The following MTR variants were observed in gnomAD, a reference collection of about 807,000 sequenced individuals.
MTR encodes 5-methyltetrahydrofolate-homocysteine methyltransferase, also known as methionine synthase.
Under a neutral mutation model 154.8 loss-of-function variants are expected in MTR, and 84 were observed. The observed-to-expected ratio is 0.54, with a 90% CI of 0.45 to 0.65. The LOEUF (loss-of-function observed/expected upper bound fraction) is 0.65, where lower values mean the gene tolerates loss of function less well. Among genes scored for constraint, MTR ranks in the 30% least tolerant of loss-of-function variants. The pLI is 0.00. For synonymous variants in MTR, 554 were observed against 553.9 expected, an observed-to-expected ratio of 1.00 and a Z score of 0.00; for missense variants, 1,275 against 1,570.2, an observed-to-expected ratio of 0.81 and a Z score of 3.18.
At chr1:236,837,406 T>C (rs1662969899) in intron 14 of MTR, among the ~76,000 whole-genome samples, 2 of 152,206 alleles carry the variant, frequency 1.3e-5, no homozygotes, top group African/African-American at 4.8e-5. Context: ...CTTCATAGAC[T>C]GGGTGCCCCT....
At chr1:236,875,842 GAA>G (rs1385516404) in intron 24 of MTR, among the ~76,000 whole-genome samples, 3 of 152,130 alleles carry the variant, frequency 2.0e-5, no homozygotes, top group Non-Finnish European at 4.4e-5. Flanking sequence ...TATATAGAGA[GAA>G]AGAGATTTAT....
At chr1:236,876,648 G>A (rs1665450079) in intron 24 of MTR, among the ~76,000 whole-genome samples, 2 of 152,032 alleles carry the variant, frequency 1.3e-5, no homozygotes, top group Admixed American at 6.5e-5. Flanking sequence ...TGCTTCTTGT[G>A]CAAATTGGAA....
intron 19 of MTR, 127 bp from the exon 20 acceptor site, chr1:236,860,998 C>T (rs1664501981): frequency 2.6e-6 from 2 of 758,668 alleles, no homozygotes; most frequent in East Asian, 2.7e-5. Flanking sequence ...TGAGTCCATG[C>T]ACTCTGCTTC....
intron 8 of MTR, chr1:236,819,761 A>G (rs1007361992): frequency 4.4e-5 from 33 of 752,874 alleles, no homozygotes; most frequent in Non-Finnish European, 7.8e-5. Context: ...ATAAAAGGAA[A>G]AATGATGGGA....
At chr1:236,815,753 T>G in intron 7 of MTR, 90 bp downstream of exon 7, 1 of 1,266,830 alleles carries the variant, frequency 7.9e-7, no homozygotes, top group Admixed American at 1.7e-5. Context: ...AGTAGAACTA[T>G]TAATGGTATC....
chr1:236,874,707 T>A lies in MTR; in HGVS notation c.2474-19T>A, dbSNP rs11809449. 0.027 allele frequency: 31,458 copies of A among 1,171,368 alleles called. 33 individuals are homozygous for A. The highest frequency in any genetic ancestry group is 0.028 in the Non-Finnish European group (24,032 of 870,160). The allele number at this position is 1,171,368 out of a possible 1,614,324, so 72.6% of individuals were successfully genotyped here. A position where few individuals can be genotyped will look rare whatever the true frequency, so the allele number is the denominator to read the frequency against. ...CACTGTCCTTTTTGTCCTTTTTTTT[T>A]TAAAAAAAAAAAAAATAGATATAAT... On this transcript the variant is annotated intron_variant, in intron 23 of 32. Transcript: ENST00000366577.
At chr1:236,834,735 C>A (rs1027541051) in intron 13 of MTR, among the ~76,000 whole-genome samples, 1 of 152,080 alleles carries the variant, frequency 6.6e-6, no homozygotes, top group African/African-American at 2.4e-5. Context: ...AAAGTCTCTG[C>A]CTTGTTACTT....
At chr1:236,834,080 C>T (rs936150348) in intron 13 of MTR, among the ~76,000 whole-genome samples, 2 of 152,176 alleles carry the variant, frequency 1.3e-5, no homozygotes, top group African/African-American at 4.8e-5. Flanking sequence ...GATATAAACC[C>T]TTCAAGAACC....
chr1:236,826,278 T>C (rs12022198), intron 10 of MTR, among the ~76,000 whole-genome samples: 5,324 of 152,280 alleles, frequency 0.035, 288 homozygotes, highest in East Asian at 0.2. Flanking sequence ...GATAGGCAAA[T>C]CTCCCACTGA....
intron 22 of MTR, among the ~76,000 whole-genome samples, chr1:236,872,246 G>A (rs1665174417): frequency 6.6e-6 from 1 of 152,132 alleles, no homozygotes; most frequent in Admixed American, 6.5e-5. Flanking sequence ...AAATTTGTCT[G>A]GCACTGTTCC....
chr1:236,887,719 G>C (rs3768148), intron 27 of MTR, among the ~76,000 whole-genome samples: 98,983 of 152,170 alleles, frequency 0.65, 32,476 homozygotes, highest in South Asian at 0.7. Context: ...GCCACTGAGG[G>C]CTGGCCCTCT....
In MTR at chr1:236,873,819, G is replaced by A. The variant is rs1665275307; in HGVS notation, c.2452G>A (p.Ala818Thr). Residue 818 changes from alanine (A) to threonine (T), a missense_variant, in exon 23 of 33, where the codon GCT becomes ACT. Transcript: ENST00000366577. ...GACTCCATGTGATAAGATACTGAAA[G>A]CTGCTCTTGACCACAAAGCAGGTAC... ...VMTPCDKILK[A>T]ALDHKADIIG... 1 of 1,614,122 alleles carries A rather than the reference G, an allele frequency of 6.2e-7. No homozygotes were observed. Among genetic ancestry groups the A allele is most frequent in the Non-Finnish European group, 8.5e-7 (1 of 1,179,990 alleles).
chr1:236,802,403 G>C (rs904402129), intron 1 of MTR, among the ~76,000 whole-genome samples: 1 of 152,134 alleles, frequency 6.6e-6, no homozygotes, highest in African/African-American at 2.4e-5. Context: ...TTTCAGGAGA[G>C]TGGTGGAGGA....
intron 18 of MTR, among the ~76,000 whole-genome samples, chr1:236,853,560 C>A (rs1458517835): frequency 1.3e-5 from 2 of 152,092 alleles, no homozygotes; most frequent in South Asian, 4.1e-4. Flanking sequence ...GAACTATACT[C>A]TAGATGCTTT....
chr1:236,884,684 G>GGGGGTT (rs1451091165), intron 25 of MTR, among the ~76,000 whole-genome samples: 1 of 152,068 alleles, frequency 6.6e-6, no homozygotes, highest in Admixed American at 6.5e-5. Flanking sequence ...GGTTTTTATT[G>GGGGGTT]GGGGTTGGTC....
intron 5 of MTR, chr1:236,811,609 CA>C (rs1354538309): frequency 2.2e-6 from 1 of 455,994 alleles, no homozygotes; most frequent in African/African-American, 2.0e-5. Flanking sequence ...TTGTTCATAC[CA>C]GGCTTATGTG....
Position 236,832,007 on chromosome 1 carries a change from A to T in MTR, c.1117A>T (p.Asn373Tyr). Residue 373 changes from asparagine to tyrosine, a missense_variant, in exon 13 of 33, where the codon AAC (asparagine) becomes TAC (tyrosine). Coordinates refer to ENST00000366577, the MANE Select transcript of MTR (RefSeq NM_000254.3). ...FRIGPYTNFVNIGERCNVAGS... is the reference protein window; with the variant it reads ...FRIGPYTNFVYIGERCNVAGS... The stretch of plus-strand genomic sequence containing the variant: ...GATTGGACCGTACACCAACTTTGTT[A>T]ACATTGGAGAGCGCTGTAATGTTGC... 6.2e-7 allele frequency: 1 copy of T among 1,614,210 alleles called. No individual in the cohort carries two copies. Among genetic ancestry groups the T allele is most frequent in the Non-Finnish European group, 8.5e-7 (1 of 1,180,004 alleles).
At chr1:236,876,555 A>G (rs1435250618) in intron 24 of MTR, among the ~76,000 whole-genome samples, 2 of 152,214 alleles carry the variant, frequency 1.3e-5, no homozygotes, top group Non-Finnish European at 2.9e-5. Context: ...AACATAATTA[A>G]AATACATTAT....
intron 14 of MTR, among the ~76,000 whole-genome samples, chr1:236,836,168 G>A (rs114231792): frequency 1.3e-5 from 2 of 152,042 alleles, no homozygotes; most frequent in African/African-American, 2.4e-5. Flanking sequence ...ATTGATTTTC[G>A]TGTCAGTCTT....
Sources: allele counts gnomAD v4.1 joint callset (sites outside exome capture counted in the v4.1 genomes callset), GRCh38; gene constraint gnomAD v4.1.1; transcripts MANE v1.5; gene names NCBI Gene and HGNC (gene_info 2026-07-23, HGNC 2026-07-21).